Variants in NECTIN3 observed in about 807,000 individuals in gnomAD.
NECTIN3 encodes nectin-3.
NECTIN3 carries 8 observed loss-of-function variants against 49.4 expected under a neutral mutation model. The observed-to-expected ratio is 0.16, with a 90% CI of 0.10 to 0.29. The LOEUF (loss-of-function observed/expected upper bound fraction) is 0.29. NECTIN3 is among the 10% of genes least tolerant of loss of function. NECTIN3 has a pLI of 1.00. For synonymous variants in NECTIN3, 277 were observed against 241.1 expected (o/e 1.15, Z -1.38); for missense variants, 581 against 654.6 (o/e 0.89, Z 1.23).
Position 111,137,110 on chromosome 3 carries a change from A to G in NECTIN3, c.*2895A>G. 1 of 979,714 alleles carries G rather than the reference A, an allele frequency of 1.0e-6. No homozygotes were observed. Among genetic ancestry groups the G allele is most frequent in the Non-Finnish European group, 1.2e-6 (1 of 824,888 alleles). 60.7% of individuals were successfully genotyped at this position (979,714 alleles called of 1,614,324 possible). A position where few individuals can be genotyped will look rare whatever the true frequency, so the allele number is the denominator to read the frequency against. On this transcript the variant is annotated 3_prime_UTR_variant, in exon 6 of 6. Coordinates refer to ENST00000485303, the MANE Select transcript of NECTIN3 (RefSeq NM_015480.3). ...TAGGAGTACAGTGTATAAGTACAGA[A>G]ATTGAGAGAAATGTAGTCATTTTAT...
At chr3:111,190,684 T>C (rs1029443816), upstream of NECTIN3, among the ~76,000 whole-genome samples, 1 of 152,198 alleles carries the variant, frequency 6.6e-6, no homozygotes, top group Non-Finnish European at 1.5e-5. Context: ...TCCACTCTTA[T>C]ACCCTATTCG....
chr3:111,166,266 A>C (rs1357439921), intron 7 of NECTIN3, among the ~76,000 whole-genome samples: 5 of 152,164 alleles, frequency 3.3e-5, no homozygotes, highest in African/African-American at 1.2e-4. Context: ...TAGCTCAAGC[A>C]CGTCACATAA....
At chr3:111,145,488 G>A (rs1454663313) in intron 6 of NECTIN3, among the ~76,000 whole-genome samples, 1 of 151,970 alleles carries the variant, frequency 6.6e-6, no homozygotes, top group Non-Finnish European at 1.5e-5. Context: ...TTTTTCTTAA[G>A]AAAAATACTC....
intron 1 of NECTIN3, among the ~76,000 whole-genome samples, chr3:111,083,497 A>G (rs2031750716): frequency 6.6e-6 from 1 of 152,214 alleles, no homozygotes; most frequent in South Asian, 2.1e-4. Context: ...GATGTAGCAG[A>G]AAAGCAGGCA....
chr3:111,116,199 C>T (rs577156123), intron 2 of NECTIN3, among the ~76,000 whole-genome samples: 1 of 152,006 alleles, frequency 6.6e-6, no homozygotes, highest in Admixed American at 6.6e-5. Context: ...ATAGGAAGAG[C>T]TCTCAGAGAG....
intron 6 of NECTIN3, among the ~76,000 whole-genome samples, chr3:111,145,476 A>T (rs185591030): frequency 5.8e-4 from 89 of 152,246 alleles, no homozygotes; most frequent in African/African-American, 2.1e-3. Flanking sequence ...AGTTTTAAAA[A>T]TTTTTTCTTA....
At chr3:111,094,527 C>T (rs138253778) in intron 1 of NECTIN3, among the ~76,000 whole-genome samples, 18 of 152,198 alleles carry the variant, frequency 1.2e-4, no homozygotes, top group African/African-American at 4.3e-4. Context: ...TCTCTGGGGC[C>T]TTACAGGACT....
At chr3:111,153,090 G>C (rs775994405) in intron 7 of NECTIN3, among the ~76,000 whole-genome samples, 1 of 151,890 alleles carries the variant, frequency 6.6e-6, no homozygotes, top group Non-Finnish European at 1.5e-5. Context: ...AAATTATAGA[G>C]AAGTATATGA....
intron 7 of NECTIN3, among the ~76,000 whole-genome samples, chr3:111,185,296 A>G (rs536828544): frequency 6.6e-6 from 1 of 152,292 alleles, no homozygotes; most frequent in African/African-American, 2.4e-5. Flanking sequence ...CAGAGTTATC[A>G]AAAGATAACA....
chr3:111,118,925 C>T lies in NECTIN3; in HGVS notation c.772C>T (p.Arg258Ter). The T allele has an allele frequency of 6.2e-7, 1 of 1,613,774 alleles. No individual in the cohort carries two copies. Among genetic ancestry groups the T allele is most frequent in the Non-Finnish European group, 8.5e-7 (1 of 1,179,816 alleles). The part of the protein sequence containing the change: ...VKHPALEKDI[R>*]YSFILDIQYA... Reference sequence around the variant, plus strand: ...ACATCCAGCCTTGGAAAAGGACATCCGATACTCTTTCATATTAGACATACA... The same window carrying T: ...ACATCCAGCCTTGGAAAAGGACATCTGATACTCTTTCATATTAGACATACA... Residue 258 changes from arginine to a stop codon, truncating the protein, a stop_gained, in exon 3 of 6, where the codon CGA (arginine) becomes TGA (stop). Coordinates refer to ENST00000485303, the MANE Select transcript of NECTIN3 (RefSeq NM_015480.3). LOFTEE classifies it high-confidence loss of function.
At chr3:111,114,541 A>T (rs890616046) in intron 2 of NECTIN3, among the ~76,000 whole-genome samples, 3 of 152,232 alleles carry the variant, frequency 2.0e-5, no homozygotes, top group Admixed American at 6.5e-5. Flanking sequence ...TTTCCAGTAT[A>T]TAGCAGTCAT....
downstream of NECTIN3, among the ~76,000 whole-genome samples, chr3:111,139,936 A>C (rs573854213): frequency 1.3e-5 from 2 of 152,000 alleles, no homozygotes; most frequent in East Asian, 1.9e-4. Context: ...ATTGCATTTC[A>C]TTTTAAAAGT....
chr3:111,096,470 G>C (rs1315885515), intron 1 of NECTIN3, among the ~76,000 whole-genome samples: 1 of 152,192 alleles, frequency 6.6e-6, no homozygotes, highest in African/African-American at 2.4e-5. Flanking sequence ...GCAGACATTT[G>C]CATAAGTAAT....
intron 7 of NECTIN3, among the ~76,000 whole-genome samples, chr3:111,161,886 G>C (rs1476557090): frequency 6.6e-6 from 1 of 152,134 alleles, no homozygotes; most frequent in Non-Finnish European, 1.5e-5. Context: ...GGAAGTTCTA[G>C]AATTTCACCT....
At chr3:111,111,923 G>C in intron 1 of NECTIN3, 107 bp from the exon 2 acceptor site, 4 of 627,974 alleles carry the variant, frequency 6.4e-6, no homozygotes, top group Non-Finnish European at 8.5e-6. Context: ...GTGTGTGTGT[G>C]TGTGTGTGTG....
chr3:111,176,071 T>G (rs1486448702), intron 7 of NECTIN3, among the ~76,000 whole-genome samples: 1 of 152,174 alleles, frequency 6.6e-6, no homozygotes, highest in Non-Finnish European at 1.5e-5. Context: ...GCCTGTTATT[T>G]GTAGTTATTA....
At position 111,147,769 on chromosome 3, in the gene NECTIN3, T is replaced by C. The variant is rs1486779213; in HGVS notation, c.1221+285T>C. Among the ~76,000 whole-genome samples, 3 of 152,208 alleles carry C rather than the reference T, an allele frequency of 2.0e-5. No homozygotes were observed. In the East Asian group the frequency reaches 5.8e-4, roughly 29 times the overall value. On this transcript the variant is annotated intron_variant, in intron 7 of 8. Coordinates refer to the NECTIN3 transcript ENST00000493615. ...AAGACAAATCAACATTATATTAGGC[T>C]TTTTACTAAATACTTGTTGAAGACT...
chr3:111,072,255 C>G (rs1011613529), intron 1 of NECTIN3, 78 bp downstream of exon 1: 8 of 1,481,372 alleles, frequency 5.4e-6, no homozygotes, highest in African/African-American at 1.4e-5. Flanking sequence ...GCTCTGCCAG[C>G]CGTTCTCTGG....
At chr3:111,080,613 T>A (rs1266057723) in intron 1 of NECTIN3, among the ~76,000 whole-genome samples, 1 of 151,064 alleles carries the variant, frequency 6.6e-6, no homozygotes, top group East Asian at 1.9e-4. Flanking sequence ...ATTTCAGGAA[T>A]GGGTTAAGTA....
Sources: gnomAD v4.1 joint callset for allele counts (sites outside exome capture counted in the v4.1 genomes callset) on GRCh38, gnomAD v4.1.1 for gene constraint, MANE v1.5 for transcripts, NCBI Gene and HGNC (gene_info 2026-07-23, HGNC 2026-07-21) for gene names.